The following ERBB4 variants were observed in gnomAD, a reference collection of about 807,000 sequenced individuals.
The protein encoded by ERBB4 is erb-b2 receptor tyrosine kinase 4.
In ERBB4, 42 loss-of-function variants were observed where a neutral mutation model predicts 158.0. The observed-to-expected ratio is 0.27, with a 90% CI of 0.21 to 0.34. The LOEUF is 0.34. Ranked by LOEUF, ERBB4 falls within the 10% of genes least tolerant of loss-of-function variation. ERBB4 has a pLI of 1.00. For missense variants in ERBB4, 1,333 were observed against 1,624.1 expected (o/e 0.82, Z 3.08); for synonymous variants, 583 against 558.7 (o/e 1.04, Z -0.61).
At chr2:212,461,687 T>C (rs945286091) in intron 1 of ERBB4, among the ~76,000 whole-genome samples, 1 of 152,048 alleles carries the variant, frequency 6.6e-6, no homozygotes, top group Non-Finnish European at 1.5e-5. Flanking sequence ...AATGTGAGGA[T>C]GTGAGATTGG....
intron 20 of ERBB4, among the ~76,000 whole-genome samples, chr2:211,539,706 T>C (rs1384035675): frequency 6.6e-6 from 1 of 151,978 alleles, no homozygotes; most frequent in Non-Finnish European, 1.5e-5. Context: ...TTCAATGCCA[T>C]ACTATACAAG....
At chr2:211,670,628 T>C (rs888870141) in intron 14 of ERBB4, among the ~76,000 whole-genome samples, 1 of 152,164 alleles carries the variant, frequency 6.6e-6, no homozygotes, top group Middle Eastern at 3.4e-3. Flanking sequence ...ATTCCAAAGG[T>C]CTCAATACTA....
intron 1 of ERBB4, among the ~76,000 whole-genome samples, chr2:212,498,043 T>G (rs944008151): frequency 6.6e-6 from 1 of 152,064 alleles, no homozygotes. Flanking sequence ...TATATTTTAT[T>G]TAGCCAATCA....
chr2:211,875,229 T>C (rs1178690486), intron 3 of ERBB4, among the ~76,000 whole-genome samples: 4 of 152,074 alleles, frequency 2.6e-5, no homozygotes, highest in East Asian at 1.9e-4. Context: ...AGCAAGATTA[T>C]AGTCAAAATA....
At chr2:211,904,674 T>C (rs572668283) in intron 3 of ERBB4, among the ~76,000 whole-genome samples, 2 of 152,212 alleles carry the variant, frequency 1.3e-5, no homozygotes, top group East Asian at 3.9e-4. Context: ...AAAGCAAAAT[T>C]ATAATTTATT....
At chr2:212,337,213 T>C (rs2088485133) in intron 1 of ERBB4, among the ~76,000 whole-genome samples, 2 of 152,128 alleles carry the variant, frequency 1.3e-5, no homozygotes, top group African/African-American at 4.8e-5. Context: ...ATGCTGTTTT[T>C]CCCTAAGGCA....
At chr2:212,168,372 C>A (rs2081413540) in intron 1 of ERBB4, among the ~76,000 whole-genome samples, 1 of 152,042 alleles carries the variant, frequency 6.6e-6, no homozygotes, top group Admixed American at 6.6e-5. Flanking sequence ...TAGAATTATT[C>A]TTCTTGCATG....
chr2:211,731,383 G>C (rs1037170657), intron 5 of ERBB4, among the ~76,000 whole-genome samples: 1 of 151,986 alleles, frequency 6.6e-6, no homozygotes, highest in African/African-American at 2.4e-5. Flanking sequence ...GTATTTGAAT[G>C]GAATGTTTTT....
intron 1 of ERBB4, among the ~76,000 whole-genome samples, chr2:212,183,295 C>A (rs923911810): frequency 6.6e-6 from 1 of 151,874 alleles, no homozygotes; most frequent in African/African-American, 2.4e-5. Flanking sequence ...AAACTTTAAA[C>A]TTCTATGGAT....
At chr2:211,416,813 CTTTTT>C (rs60021795) in intron 25 of ERBB4, among the ~76,000 whole-genome samples, 2 of 142,130 alleles carry the variant, frequency 1.4e-5, no homozygotes, top group African/African-American at 2.6e-5. Context: ...GAAGCCTTCC[CTTTTT>C]TTTTTTTTTT....
intron 2 of ERBB4, among the ~76,000 whole-genome samples, chr2:212,029,905 T>A (rs966893294): frequency 6.6e-6 from 1 of 152,178 alleles, no homozygotes; most frequent in Non-Finnish European, 1.5e-5. Context: ...CCTTCTCATT[T>A]GCCTCGTATA....
intron 2 of ERBB4, among the ~76,000 whole-genome samples, chr2:212,044,663 A>G (rs1462783695): frequency 6.6e-6 from 1 of 152,166 alleles, no homozygotes; most frequent in Admixed American, 6.5e-5. Context: ...TTTTGATGTT[A>G]GTACAAAGCT....
intron 4 of ERBB4, among the ~76,000 whole-genome samples, chr2:211,765,605 C>A (rs2075532225): frequency 6.6e-6 from 1 of 152,098 alleles, no homozygotes; most frequent in Non-Finnish European, 1.5e-5. Flanking sequence ...TGAACCAAAG[C>A]AGGCAGATTC....
chr2:211,647,717 C>T (rs189895180), intron 16 of ERBB4, among the ~76,000 whole-genome samples: 1 of 151,828 alleles, frequency 6.6e-6, no homozygotes, highest in Admixed American at 6.6e-5. Flanking sequence ...CTCCCCAATT[C>T]CCTGATTACT....
intron 1 of ERBB4, among the ~76,000 whole-genome samples, chr2:212,294,049 A>C (rs752359562): frequency 5.3e-5 from 8 of 151,932 alleles, no homozygotes; most frequent in Admixed American, 2.0e-4. Flanking sequence ...AACAGTATTA[A>C]ATTTACCAAG....
intron 1 of ERBB4, among the ~76,000 whole-genome samples, chr2:212,503,107 G>C (rs2106247302): frequency 6.6e-6 from 1 of 152,252 alleles, no homozygotes; most frequent in African/African-American, 2.4e-5. Context: ...TGAGAATCTG[G>C]TGCAAATGGT....
chr2:212,445,059 T>G (rs2092321729), intron 1 of ERBB4, among the ~76,000 whole-genome samples: 1 of 152,030 alleles, frequency 6.6e-6, no homozygotes, highest in African/African-American at 2.4e-5. Flanking sequence ...GCTAAAGAAC[T>G]GTGGCAGTGG....
chr2:212,193,127 G>A (rs2082323004), intron 1 of ERBB4, among the ~76,000 whole-genome samples: 1 of 152,084 alleles, frequency 6.6e-6, no homozygotes, highest in Admixed American at 6.6e-5. Context: ...TACCTCCTGG[G>A]TTTGGATATA....
intron 4 of ERBB4, among the ~76,000 whole-genome samples, chr2:211,769,640 C>A (rs1329442220): frequency 6.6e-6 from 1 of 152,202 alleles, no homozygotes; most frequent in Non-Finnish European, 1.5e-5. Flanking sequence ...GGGAAGCCAA[C>A]TGTCCAGCCT....
Sources: allele counts gnomAD v4.1 joint callset (sites outside exome capture counted in the v4.1 genomes callset), GRCh38; gene constraint gnomAD v4.1.1; transcripts MANE v1.5; gene names NCBI Gene and HGNC (gene_info 2026-07-23, HGNC 2026-07-21).